Variants in COG5 observed in about 807,000 individuals in gnomAD.
COG5 encodes conserved oligomeric Golgi complex subunit 5.
In COG5, 86 loss-of-function variants were observed where a neutral mutation model predicts 110.4. The observed-to-expected ratio is 0.78, with a 90% CI of 0.65 to 0.93. The LOEUF is 0.93. Among genes scored for constraint, COG5 ranks in the 40% least tolerant of loss-of-function variants. The pLI, the probability that COG5 is intolerant of heterozygous loss-of-function variation, is 0.00. For missense variants in COG5, 1,077 were observed against 987.0 expected (o/e 1.09, Z -1.22); for synonymous variants, 360 against 334.6 (o/e 1.08, Z -0.83).
chr7:107,502,825 G>A (rs1035604733), intron 6 of COG5, among the ~76,000 whole-genome samples: 5 of 152,078 alleles, frequency 3.3e-5, no homozygotes, highest in African/African-American at 1.2e-4. Context: ...TTTGAGAAAT[G>A]TCTATTCATG....
At chr7:107,220,768 T>C (rs1799857055) in intron 19 of COG5, among the ~76,000 whole-genome samples, 1 of 151,396 alleles carries the variant, frequency 6.6e-6, no homozygotes, top group Non-Finnish European at 1.5e-5. Context: ...GCCCAGGCCC[T>C]GAAAGGGGAC....
chr7:107,432,213 A>T (rs546945022), intron 6 of COG5, among the ~76,000 whole-genome samples: 1 of 152,340 alleles, frequency 6.6e-6, no homozygotes, highest in Non-Finnish European at 1.5e-5. Flanking sequence ...AAGTACAAAA[A>T]GAATAATCAA....
At chr7:107,323,769 A>G (rs1005211356) in intron 11 of COG5, among the ~76,000 whole-genome samples, 3 of 152,196 alleles carry the variant, frequency 2.0e-5, no homozygotes, top group African/African-American at 7.2e-5. Flanking sequence ...AAGTCCTTCT[A>G]GTAAATGCTT....
chr7:107,229,405 T>C (rs1209564053), intron 19 of COG5, among the ~76,000 whole-genome samples: 1 of 152,100 alleles, frequency 6.6e-6, no homozygotes, highest in East Asian at 1.9e-4. Flanking sequence ...GCCAAGATCG[T>C]GCCACTGCAC....
chr7:107,249,603 C>G (rs768881564), intron 16 of COG5, among the ~76,000 whole-genome samples: 12 of 151,108 alleles, frequency 7.9e-5, no homozygotes, highest in Non-Finnish European at 1.3e-4. Context: ...AATCAATGAG[C>G]AAAGGTAAAA....
intron 3 of COG5, among the ~76,000 whole-genome samples, chr7:107,550,219 AC>A (rs1400803771): frequency 2.6e-5 from 4 of 151,882 alleles, no homozygotes; most frequent in African/African-American, 9.7e-5. Context: ...CCATCAACAA[AC>A]CCTATCAGCT....
At chr7:107,273,098 CAT>C (rs531325697) in intron 14 of COG5, among the ~76,000 whole-genome samples, 2 of 152,168 alleles carry the variant, frequency 1.3e-5, no homozygotes, top group Admixed American at 6.5e-5. Flanking sequence ...ACCATTACTA[CAT>C]GTCTCCAATT....
intron 6 of COG5, among the ~76,000 whole-genome samples, chr7:107,492,369 A>G (rs1798027047): frequency 6.6e-6 from 1 of 152,150 alleles, no homozygotes; most frequent in Non-Finnish European, 1.5e-5. Flanking sequence ...CCACAAACCT[A>G]GAGGCTTAAA....
chr7:107,352,101 C>T (rs1451969527), intron 10 of COG5, among the ~76,000 whole-genome samples: 2 of 147,228 alleles, frequency 1.4e-5, no homozygotes. Context: ...AAATGTGGCA[C>T]ATATATACCA....
chr7:107,238,342 G>A (rs1445540420), intron 17 of COG5, among the ~76,000 whole-genome samples: 2 of 152,148 alleles, frequency 1.3e-5, no homozygotes, highest in Non-Finnish European at 2.9e-5. Flanking sequence ...CTGAAGGCTG[G>A]ATGGTATTCC....
At chr7:107,373,125 T>C (rs1814329326) in intron 7 of COG5, among the ~76,000 whole-genome samples, 1 of 152,128 alleles carries the variant, frequency 6.6e-6, no homozygotes, top group Non-Finnish European at 1.5e-5. Context: ...TCTACATTTG[T>C]TTGACAATAA....
At chr7:107,428,697 AT>A (rs770524024) in intron 6 of COG5, among the ~76,000 whole-genome samples, 54 of 152,056 alleles carry the variant, frequency 3.6e-4, no homozygotes, top group East Asian at 2.3e-3. Context: ...TGTTATATTC[AT>A]TTTTTTTCTA....
intron 11 of COG5, among the ~76,000 whole-genome samples, chr7:107,309,025 T>C (rs533706643): frequency 6.6e-6 from 1 of 152,188 alleles, no homozygotes; most frequent in East Asian, 1.9e-4. Flanking sequence ...TGGGAAATCA[T>C]GTGGAAAGAC....
intron 10 of COG5, among the ~76,000 whole-genome samples, chr7:107,328,039 G>C (rs1809920437): frequency 6.6e-6 from 1 of 152,110 alleles, no homozygotes; most frequent in Admixed American, 6.6e-5. Context: ...CAACCCAAAT[G>C]TCTATCAAAG....
At chr7:107,462,480 C>T (rs910525859) in intron 6 of COG5, among the ~76,000 whole-genome samples, 3 of 151,988 alleles carry the variant, frequency 2.0e-5, no homozygotes, top group African/African-American at 7.2e-5. Flanking sequence ...CAGGCTGGAT[C>T]CTTTCTACCA....
intron 5 of COG5, among the ~76,000 whole-genome samples, chr7:107,528,896 T>A (rs1048827691): frequency 6.6e-6 from 1 of 152,132 alleles, no homozygotes; most frequent in African/African-American, 2.4e-5. Context: ...ATACACCGTA[T>A]GTATGCATAC....
intron 6 of COG5, among the ~76,000 whole-genome samples, chr7:107,439,355 C>T (rs1257888686): frequency 6.6e-6 from 1 of 152,092 alleles, no homozygotes; most frequent in Non-Finnish European, 1.5e-5. Context: ...CAGGAAAATT[C>T]CTCAGGTAAG....
chr7:107,474,240 C>G lies in COG5; in HGVS notation c.538+52997G>C. The G allele has an allele frequency of 1.9e-6, 3 of 1,612,996 alleles. No homozygotes were observed. The highest frequency in any genetic ancestry group is 1.7e-6 in the Non-Finnish European group (2 of 1,179,236). On this transcript the variant is annotated intron_variant, in intron 6 of 21. Coordinates refer to ENST00000297135, the MANE Select transcript of COG5 (RefSeq NM_006348.5). This position sits in a 1 kb window ranked among gnomAD's most constrained non-coding sequence, Gnocchi z 5.7. Reference sequence around the variant, plus strand: ...TTGTGTTGGGACTTGGCAGCAACCTCACTGTATTGGTACTTTACTGCATGA... The same window carrying G: ...TTGTGTTGGGACTTGGCAGCAACCTGACTGTATTGGTACTTTACTGCATGA...
Position 107,281,329 on chromosome 7 carries a change from G to A in COG5, c.1546C>T (p.Gln516Ter). ...TGCTCTGATTTTACACTGTATAACTGGATGGTCTTTGCCACATTTTTTGAC... is the reference window on the plus strand; with the variant it reads ...TGCTCTGATTTTACACTGTATAACTAGATGGTCTTTGCCACATTTTTTGAC... ...AVSKNVAKTI[Q>*]LYSVKSEQLL... Residue 516 changes from glutamine to a stop codon, truncating the protein, a stop_gained, in exon 14 of 22, where the codon CAG becomes TAG. Coordinates refer to ENST00000297135, the MANE Select transcript of COG5 (RefSeq NM_006348.5). LOFTEE classifies it high-confidence loss of function. The A allele has an allele frequency of 1.2e-6, 2 of 1,613,064 alleles. No homozygotes were observed. Among genetic ancestry groups the A allele is most frequent in the South Asian group, 1.1e-5 (1 of 91,060 alleles).
Sources: gnomAD v4.1 joint callset for allele counts (sites outside exome capture counted in the v4.1 genomes callset) on GRCh38, gnomAD v4.1.1 for gene constraint, Gnocchi (gnomAD v3.1) non-coding constraint, MANE v1.5 for transcripts, NCBI Gene and HGNC (gene_info 2026-07-23, HGNC 2026-07-21) for gene names.